TMIGD1: variants seen among roughly 807,000 people sequenced by gnomAD.
TMIGD1 encodes transmembrane and immunoglobulin domain-containing protein 1.
Under a neutral mutation model 27.5 loss-of-function variants are expected in TMIGD1, and 29 were observed. The observed-to-expected ratio is 1.05, with a 90% CI of 0.78 to 1.44. The LOEUF is 1.44. Among genes scored for constraint, TMIGD1 ranks in the 40% most tolerant of loss-of-function variants. The pLI, the probability that TMIGD1 is intolerant of heterozygous loss-of-function variation, is 0.00. For synonymous variants in TMIGD1, 109 were observed against 110.3 expected (o/e 0.99, Z 0.07); for missense variants, 334 against 310.6 (o/e 1.08, Z -0.57).
In TMIGD1 at chr17:30,317,293, G is replaced by T. The variant is rs529237362; in HGVS notation, c.745-60C>A. ...TTTAAGGCCCATGGAGAAATATTTT[G>T]AATGCATTAAGATGGCTCGAGGACA... On this transcript the variant is annotated intron_variant, in intron 5 of 6. Coordinates refer to ENST00000328886, the MANE Select transcript of TMIGD1 (RefSeq NM_206832.3). 331 of 1,595,346 alleles carry T rather than the reference G, an allele frequency of 2.1e-4. 1 individual carries two copies. Among genetic ancestry groups the T allele is most frequent in the Non-Finnish European group, 2.2e-4 (258 of 1,163,388 alleles).
In TMIGD1 at chr17:30,319,260, A is replaced by AT. The variant is rs1567847777; in HGVS notation, c.641-348_641-347insA. On this transcript the variant is annotated intron_variant, in intron 4 of 6. Coordinates refer to ENST00000328886, the MANE Select transcript of TMIGD1 (RefSeq NM_206832.3). ...CTGTAAAAAAAAAAGAAAAAAAAAA[A>AT]AATATATATATATATATAGCTGGGC... Among the ~76,000 whole-genome samples the AT allele has an allele frequency of 6.6e-4, 70 of 105,268 alleles. 4 individuals are homozygous for AT. The highest frequency in any genetic ancestry group is 2.7e-3 in the South Asian group (10 of 3,760). The allele number at this position is 105,268 out of a possible 152,430, so 69.1% of individuals were successfully genotyped here.
chr17:30,317,126 A>G, intron 6 of TMIGD1, 67 bp downstream of exon 6: 1 of 1,531,280 alleles, frequency 6.5e-7, no homozygotes, highest in Non-Finnish European at 9.1e-7. Context: ...GTTTGTCTAG[A>G]GTGATGCATA....
chr17:30,320,113 CT>C (rs2143139023), intron 4 of TMIGD1, among the ~76,000 whole-genome samples: 1 of 151,916 alleles, frequency 6.6e-6, no homozygotes, highest in South Asian at 2.1e-4. Flanking sequence ...TCTCGGCTCA[CT>C]GCAATCTCTG....
intron 3 of TMIGD1, among the ~76,000 whole-genome samples, chr17:30,328,998 G>GAAAAAGA (rs1284098712): frequency 4.3e-5 from 6 of 138,708 alleles, no homozygotes; most frequent in African/African-American, 1.6e-4. Context: ...AAAGAAAAAA[G>GAAAAAGA]AAAAAGAAAA....
rs1909721392 is a variant in TMIGD1 at position 30,324,833 on chromosome 17, A to T, written c.623T>A (p.Phe208Tyr). The part of the protein sequence containing the change: ...KSSLKTESLD[F>Y]HLIVKDKTVG... ...AGCATTACCTTTAACAATCAGGTGA[A>T]AGTCCAAGCTCTCCGTTTTCAGAGA... is the stretch of plus-strand genomic sequence containing the variant. The change falls in exon 4 of 7, where the codon TTT (phenylalanine) becomes TAT (tyrosine). Residue 208 changes from phenylalanine to tyrosine, a missense_variant. Coordinates refer to ENST00000328886, the MANE Select transcript of TMIGD1 (RefSeq NM_206832.3). The T allele has an allele frequency of 6.2e-7, 1 of 1,613,930 alleles. No individual in the cohort carries two copies. The highest frequency in any genetic ancestry group is 8.5e-7 in the Non-Finnish European group (1 of 1,179,906).
chr17:30,329,674 G>GACT, intron 2 of TMIGD1, 145 bp from the exon 3 acceptor site: 1 of 614,708 alleles, frequency 1.6e-6, no homozygotes. Flanking sequence ...TGATCTATAT[G>GACT]ATTTTATAAT....
chr17:30,319,261 A>AAAAAAAAAAAAAAAAAAATATATAT, intron 4 of TMIGD1, among the ~76,000 whole-genome samples: 4 of 69,040 alleles, frequency 5.8e-5, no homozygotes, highest in African/African-American at 1.8e-4. Flanking sequence ...AAAAAAAAAA[A>AAAAAAAAAAAAAAAAAAATATATAT]ATATATATAT....
chr17:30,324,669 G>T, intron 4 of TMIGD1, 147 bp downstream of exon 4: 1 of 971,070 alleles, frequency 1.0e-6, no homozygotes, highest in Non-Finnish European at 1.5e-6. Context: ...ATTCTTAGTG[G>T]AAAAATCCTT....
rs1175035556 is a variant in TMIGD1, at chr17:30,319,261, A to AATATATATATATAT, written c.641-362_641-349dup. 6.9e-3 allele frequency among the ~76,000 whole-genome samples: 464 copies of AATATATATATATAT among 67,550 alleles called. 2 individuals carry two copies. The highest frequency in any genetic ancestry group is 0.022 in the Middle Eastern group (3 of 138). 44.3% of individuals were successfully genotyped at this position (67,550 alleles called of 152,430 possible). ...TGTAAAAAAAAAAGAAAAAAAAAAAAATATATATATATATATAGCTGGGCA... is the reference window on the plus strand; with the variant it reads ...TGTAAAAAAAAAAGAAAAAAAAAAAAATATATATATATATATATATATATATATATAGCTGGGCA... On this transcript the variant is annotated intron_variant, in intron 4 of 6. Coordinates refer to ENST00000328886, the MANE Select transcript of TMIGD1 (RefSeq NM_206832.3).
chr17:30,317,445 G>A (rs1909451965), intron 5 of TMIGD1, among the ~76,000 whole-genome samples: 1 of 151,918 alleles, frequency 6.6e-6, no homozygotes, highest in South Asian at 2.1e-4. Context: ...TTAGATACTT[G>A]AGTATTTACT....
chr17:30,329,102 A>AT, intron 3 of TMIGD1, 149 bp downstream of exon 3: 1 of 832,474 alleles, frequency 1.2e-6, no homozygotes, highest in Non-Finnish European at 1.8e-6. Context: ...CTCAGTGCTC[A>AT]TGAGGGTGAG....
At chr17:30,333,657 A>C (rs1156947465) in intron 1 of TMIGD1, among the ~76,000 whole-genome samples, 1 of 152,170 alleles carries the variant, frequency 6.6e-6, no homozygotes, top group Non-Finnish European at 1.5e-5. Context: ...ACAAGCCTGC[A>C]TCAATCTTTT....
At chr17:30,327,218 A>T (rs1909811833) in intron 3 of TMIGD1, among the ~76,000 whole-genome samples, 1 of 152,238 alleles carries the variant, frequency 6.6e-6, no homozygotes, top group Non-Finnish European at 1.5e-5. Flanking sequence ...AGAGGGTTCC[A>T]TCAGCCTGGG....
chr17:30,325,761 G>A (rs572781450), intron 3 of TMIGD1, among the ~76,000 whole-genome samples: 47 of 152,164 alleles, frequency 3.1e-4, no homozygotes, highest in Middle Eastern at 6.8e-3. Flanking sequence ...GCATCTTTGC[G>A]TTTTCTCAGT....
In TMIGD1 at chr17:30,317,226, A is replaced by G. The variant is rs2143125536; in HGVS notation, c.752T>C (p.Met251Thr). The G allele has an allele frequency of 1.9e-6, 3 of 1,614,058 alleles. No individual in the cohort carries two copies. In the East Asian group the frequency reaches 6.7e-5, roughly 36 times the overall value. The stretch of plus-strand genomic sequence containing the variant: ...TTCACTGTGAGGGTCTTTATCCTTC[A>G]TGCAGAGCTAAAAGCAAACATGGCA... ...ARRKKIMKLC[M>T]KDKDPHSETA... The change falls in exon 6 of 7, where the codon ATG (methionine) becomes ACG (threonine). Residue 251 changes from methionine to threonine, a missense_variant. Transcript: ENST00000328886.
At chr17:30,333,577 T>C (rs1339222864) in intron 1 of TMIGD1, among the ~76,000 whole-genome samples, 9 of 152,314 alleles carry the variant, frequency 5.9e-5, no homozygotes, top group African/African-American at 1.9e-4. Flanking sequence ...CCTACTCTAC[T>C]CCTCCCCTGT....
At chr17:30,331,147 A>T (rs1392179352) in intron 2 of TMIGD1, among the ~76,000 whole-genome samples, 1 of 152,192 alleles carries the variant, frequency 6.6e-6, no homozygotes, top group Non-Finnish European at 1.5e-5. Context: ...GTGAGCCAAG[A>T]TCACACCACT....
At chr17:30,319,767 G>A (rs529449568) in intron 4 of TMIGD1, among the ~76,000 whole-genome samples, 7 of 152,106 alleles carry the variant, frequency 4.6e-5, no homozygotes, top group African/African-American at 1.7e-4. Context: ...GGCCTCAAAA[G>A]CAGTGGGGAG....
intron 3 of TMIGD1, among the ~76,000 whole-genome samples, chr17:30,325,330 T>A (rs1909742573): frequency 6.6e-6 from 1 of 152,222 alleles, no homozygotes; most frequent in Non-Finnish European, 1.5e-5. Flanking sequence ...TATATGATTA[T>A]GAGCATGATA....
Sources: allele counts gnomAD v4.1 joint callset (sites outside exome capture counted in the v4.1 genomes callset), GRCh38; gene constraint gnomAD v4.1.1; transcripts MANE v1.5; gene names NCBI Gene and HGNC (gene_info 2026-07-23, HGNC 2026-07-21).